Variants in NFATC2 observed in about 807,000 individuals in gnomAD.
NFATC2 encodes the protein nuclear factor of activated T-cells, cytoplasmic 2.
In NFATC2, 22 loss-of-function variants were observed where a neutral mutation model predicts 87.3. That is an observed-to-expected ratio of 0.25 (90% CI 0.18 to 0.36). The LOEUF (loss-of-function observed/expected upper bound fraction) is 0.36. NFATC2 is among the 10% of genes least tolerant of loss of function. NFATC2 has a pLI of 1.00. For synonymous variants in NFATC2, 565 were observed against 542.2 expected (o/e 1.04, Z -0.58); for missense variants, 1,149 against 1,259.1 (o/e 0.91, Z 1.32).
Position 51,390,676 on chromosome 20 carries a change from G to A in NFATC2, c.*820C>T, listed in dbSNP as rs1473240215. 1 of 153,878 alleles carries A rather than the reference G, an allele frequency of 6.5e-6. No homozygotes were observed. The highest frequency in any genetic ancestry group is 1.4e-5 in the Non-Finnish European group (1 of 69,220). The allele number at this position is 153,878 out of a possible 1,614,324, so 9.5% of individuals were successfully genotyped here. A position where few individuals can be genotyped will look rare whatever the true frequency, so the allele number is the denominator to read the frequency against. On this transcript the variant is annotated 3_prime_UTR_variant, in exon 11 of 11. Transcript: ENST00000371564. ...AGACAGCTCCAGGGCTAGGTGCCCT[G>A]GTCAGCCTTTTAAAGCAGAAAAAAT...
intron 10 of NFATC2, among the ~76,000 whole-genome samples, chr20:51,396,853 G>A (rs1443696398): frequency 1.5e-4 from 23 of 152,136 alleles, no homozygotes; most frequent in Admixed American, 1.5e-3. Flanking sequence ...GTTCTCAGGG[G>A]GAAGCGACTC....
chr20:51,521,802 G>A (rs2076450028), intron 2 of NFATC2, among the ~76,000 whole-genome samples: 1 of 152,184 alleles, frequency 6.6e-6, no homozygotes, highest in Admixed American at 6.5e-5. Context: ...TCATCAAAAT[G>A]AAGATAAAAA....
At chr20:51,540,663 T>TTTTTTTTTTTTTTTTTTTTTTTTTTTTTG (rs1555818354) in intron 1 of NFATC2, among the ~76,000 whole-genome samples, 15 of 135,676 alleles carry the variant, frequency 1.1e-4, no homozygotes, top group East Asian at 2.3e-4. Flanking sequence ...TTTTTGTTTT[T>TTTTTTTTTTTTTTTTTTTTTTTTTTTTTG]TTTTTTTTGA....
chr20:51,473,845 G>A lies in NFATC2; in HGVS notation c.1708+135C>T, dbSNP rs542760337. 4.3e-5 allele frequency: 35 copies of A among 817,576 alleles called. No homozygotes were observed. The African/African-American group carries it at 5.5e-4, about 13-fold the overall frequency. 50.6% of individuals were successfully genotyped at this position (817,576 alleles called of 1,614,324 possible). On this transcript the variant is annotated intron_variant, in intron 5 of 10. Transcript: ENST00000371564. ...TCTCTGTCCCCTCTGGTCATCTTGG[G>A]CCAGTGTAACCCTGTGGGTCCCACA...
intron 2 of NFATC2, among the ~76,000 whole-genome samples, chr20:51,521,148 G>A (rs1301830719): frequency 6.6e-6 from 1 of 152,164 alleles, no homozygotes; most frequent in Non-Finnish European, 1.5e-5. Flanking sequence ...ACATACTGTA[G>A]CCCTGGTGTT....
At chr20:51,544,912 C>T (rs1350365953), upstream of NFATC2, among the ~76,000 whole-genome samples, 1 of 152,210 alleles carries the variant, frequency 6.6e-6, no homozygotes, top group Non-Finnish European at 1.5e-5. Context: ...TGGGCAGCAC[C>T]TCCTGGTTGT....
Position 51,524,207 on chromosome 20 carries a change from A to AT in NFATC2, c.131-98dup, listed in dbSNP as rs1253832358. ...GGCTGGATTTCGTCTCACGTCGTTT[A>AT]TTTTTTTCAAATTCCCACCATGCCA... On this transcript the variant is annotated intron_variant, in intron 1 of 10. Coordinates refer to ENST00000371564, the MANE Select transcript of NFATC2 (RefSeq NM_012340.5). The surrounding 1 kb of genome is among the most constrained non-coding windows in gnomAD (Gnocchi z 4.0). 5.9e-6 allele frequency: 7 copies of AT among 1,179,428 alleles called. No individual in the cohort carries two copies. The highest frequency in any genetic ancestry group is 5.4e-5 in the South Asian group (2 of 36,766). 73.1% of individuals were successfully genotyped at this position (1,179,428 alleles called of 1,614,324 possible).
At chr20:51,534,628 C>T (rs375325459) in intron 1 of NFATC2, among the ~76,000 whole-genome samples, 4 of 152,338 alleles carry the variant, frequency 2.6e-5, no homozygotes, top group Non-Finnish European at 2.9e-5. Flanking sequence ...CCACTGAGCC[C>T]GGCCTTCATT....
At chr20:51,418,860 A>G (rs1980441925) in intron 9 of NFATC2, among the ~76,000 whole-genome samples, 1 of 151,438 alleles carries the variant, frequency 6.6e-6, no homozygotes. Flanking sequence ...ATGGGGTTTC[A>G]CCATGTTGGG....
intron 3 of NFATC2, among the ~76,000 whole-genome samples, chr20:51,490,892 T>G (rs2075870997): frequency 6.6e-6 from 1 of 152,212 alleles, no homozygotes; most frequent in Non-Finnish European, 1.5e-5. Flanking sequence ...GGACTGGCAT[T>G]CAAAGTACAG....
chr20:51,543,863 A>G (rs1023098727), upstream of NFATC2, among the ~76,000 whole-genome samples: 1 of 152,204 alleles, frequency 6.6e-6, no homozygotes, highest in African/African-American at 2.4e-5. Context: ...ACAGAGGTAG[A>G]AAAGATCAAA....
intron 1 of NFATC2, among the ~76,000 whole-genome samples, chr20:51,554,772 C>A (rs1330562338): frequency 6.6e-6 from 1 of 152,132 alleles, no homozygotes; most frequent in Non-Finnish European, 1.5e-5. Flanking sequence ...CATGCTATTC[C>A]TGGGTGATTA....
intron 10 of NFATC2, among the ~76,000 whole-genome samples, chr20:51,392,319 C>A (rs1260327569): frequency 2.0e-5 from 3 of 152,166 alleles, no homozygotes; most frequent in Non-Finnish European, 4.4e-5. Flanking sequence ...GTTTGGTCAC[C>A]CCTCTCCCCA....
intron 1 of NFATC2, among the ~76,000 whole-genome samples, chr20:51,554,964 G>A (rs2146839346): frequency 1.3e-5 from 2 of 152,300 alleles, no homozygotes; most frequent in African/African-American, 4.8e-5. Context: ...TCTACCCCTA[G>A]GTACCAAAGC....
At chr20:51,539,778 C>A (rs2076777174) in intron 1 of NFATC2, among the ~76,000 whole-genome samples, 1 of 152,190 alleles carries the variant, frequency 6.6e-6, no homozygotes, top group Admixed American at 6.5e-5. Flanking sequence ...GGATTGCAGG[C>A]ATGAGCCACC....
chr20:51,477,569 ATATATAT>A (rs1568667295), intron 3 of NFATC2, among the ~76,000 whole-genome samples: 2,083 of 97,234 alleles, frequency 0.021, 71 homozygotes, highest in African/African-American at 0.073. Context: ...ATATATATAT[ATATATAT>A]ATATAAAATA....
intron 9 of NFATC2, among the ~76,000 whole-genome samples, chr20:51,424,433 C>T (rs1981452166): frequency 6.6e-6 from 1 of 152,172 alleles, no homozygotes; most frequent in African/African-American, 2.4e-5. Context: ...GAGTGATCAG[C>T]AACTACTGAA....
At chr20:51,422,569 CT>C (rs5841843) in intron 9 of NFATC2, among the ~76,000 whole-genome samples, 336 of 140,966 alleles carry the variant, frequency 2.4e-3, no homozygotes, top group African/African-American at 7.8e-3. Flanking sequence ...GAAAACCCCT[CT>C]TTTTTTTTTT....
chr20:51,530,797 C>G (rs903291702), intron 1 of NFATC2, among the ~76,000 whole-genome samples: 2 of 152,130 alleles, frequency 1.3e-5, no homozygotes, highest in African/African-American at 2.4e-5. Flanking sequence ...GAGCCACCCC[C>G]TCCTGGAGGC....
Sources: gnomAD v4.1 joint callset for allele counts (sites outside exome capture counted in the v4.1 genomes callset) on GRCh38, gnomAD v4.1.1 for gene constraint, Gnocchi (gnomAD v3.1) non-coding constraint, MANE v1.5 for transcripts, NCBI Gene and HGNC (gene_info 2026-07-23, HGNC 2026-07-21) for gene names.